Variants in SLC2A13 observed in about 807,000 individuals in gnomAD.
SLC2A13 encodes proton myo-inositol cotransporter.
A neutral mutation model predicts 64.4 loss-of-function variants in SLC2A13; 32 were observed. The ratio of observed to expected loss-of-function variants is 0.50; its 90% CI spans 0.37 to 0.67. The LOEUF (loss-of-function observed/expected upper bound fraction) is 0.67. SLC2A13 is among the 30% of genes least tolerant of loss of function. The probability of loss-of-function intolerance (pLI) is 0.00; values close to 1 mark genes in which losing one functional copy is unlikely to be tolerated. For synonymous variants in SLC2A13, 338 were observed against 327.1 expected (o/e 1.03, Z -0.36); for missense variants, 743 against 829.2 (o/e 0.90, Z 1.28).
At chr12:39,988,014 CT>C (rs1470538339) in intron 3 of SLC2A13, among the ~76,000 whole-genome samples, 4 of 152,124 alleles carry the variant, frequency 2.6e-5, no homozygotes, top group Non-Finnish European at 5.9e-5. Flanking sequence ...TTGGTCTGAA[CT>C]TAGTAAATCC....
Position 39,755,171 on chromosome 12 carries a change from A to G in SLC2A13, c.*4855T>C, listed in dbSNP as rs1262909409. 6.6e-6 allele frequency: 1 copy of G among 152,096 alleles called. No homozygotes were observed. Among genetic ancestry groups the G allele is most frequent in the African/African-American group, 2.4e-5 (1 of 41,452 alleles). The allele number at this position is 152,096 out of a possible 1,614,324, so 9.4% of individuals were successfully genotyped here. On this transcript the variant is annotated 3_prime_UTR_variant, in exon 10 of 10. Transcript: ENST00000280871. ...AAAACATTTACATGTATATCACTAAATCTCCATAAAATATACAATACTTTT... is the reference window on the plus strand; with the variant it reads ...AAAACATTTACATGTATATCACTAAGTCTCCATAAAATATACAATACTTTT...
chr12:39,997,339 G>A (rs1367060344), intron 3 of SLC2A13, among the ~76,000 whole-genome samples: 1 of 152,166 alleles, frequency 6.6e-6, no homozygotes, highest in Non-Finnish European at 1.5e-5. Context: ...CCATGTGTAA[G>A]AGAATGAAAC....
At chr12:39,915,637 C>T (rs569568821) in intron 4 of SLC2A13, among the ~76,000 whole-genome samples, 3 of 151,792 alleles carry the variant, frequency 2.0e-5, no homozygotes, top group Non-Finnish European at 4.4e-5. Flanking sequence ...TTAAAAATAG[C>T]CAGTGATGAC....
At chr12:39,938,389 A>G (rs1479651291) in intron 4 of SLC2A13, among the ~76,000 whole-genome samples, 1 of 141,982 alleles carries the variant, frequency 7.0e-6, no homozygotes, top group African/African-American at 2.5e-5. Context: ...AAATAACTCC[A>G]TTTAAAGAAA....
intron 1 of SLC2A13, among the ~76,000 whole-genome samples, chr12:40,061,208 G>T (rs1490089385): frequency 1.3e-5 from 2 of 151,978 alleles, no homozygotes; most frequent in Non-Finnish European, 2.9e-5. Context: ...AGCTGGGAAA[G>T]AAAAGGCAAC....
chr12:39,823,082 G>A (rs1942570160), intron 7 of SLC2A13, among the ~76,000 whole-genome samples: 1 of 152,110 alleles, frequency 6.6e-6, no homozygotes. Context: ...AATTATTTAT[G>A]GGTAGATGAA....
intron 3 of SLC2A13, among the ~76,000 whole-genome samples, chr12:40,006,876 T>G (rs181966093): frequency 6.6e-6 from 1 of 152,338 alleles, no homozygotes; most frequent in African/African-American, 2.4e-5. Context: ...ATCATATTTT[T>G]AATTCCTTCA....
chr12:39,905,317 T>C (rs1945240786), intron 4 of SLC2A13, among the ~76,000 whole-genome samples: 1 of 152,122 alleles, frequency 6.6e-6, no homozygotes, highest in Non-Finnish European at 1.5e-5. Context: ...CCAGATGTAA[T>C]CTGCTCATAA....
At chr12:39,960,282 G>A (rs955076940) in intron 3 of SLC2A13, among the ~76,000 whole-genome samples, 7 of 152,002 alleles carry the variant, frequency 4.6e-5, no homozygotes, top group Non-Finnish European at 8.8e-5. Flanking sequence ...ACCAATTTTG[G>A]TGAACTCTAT....
At chr12:40,010,947 A>C (rs557744865) in intron 3 of SLC2A13, among the ~76,000 whole-genome samples, 43 of 152,266 alleles carry the variant, frequency 2.8e-4, no homozygotes, top group Admixed American at 7.2e-4. Flanking sequence ...TGGTTTGGTA[A>C]GTGTGAGATG....
At chr12:40,053,334 AATTTATT>A (rs1157509794) in intron 1 of SLC2A13, among the ~76,000 whole-genome samples, 1 of 151,848 alleles carries the variant, frequency 6.6e-6, no homozygotes, top group Admixed American at 6.6e-5. Flanking sequence ...GAACTGATAT[AATTTATT>A]ATCCCCCTAT....
intron 4 of SLC2A13, among the ~76,000 whole-genome samples, chr12:39,872,397 A>G (rs1339374219): frequency 6.6e-6 from 1 of 152,234 alleles, no homozygotes; most frequent in Non-Finnish European, 1.5e-5. Flanking sequence ...AATGTAATAT[A>G]GTGGTAAAAA....
intron 4 of SLC2A13, among the ~76,000 whole-genome samples, chr12:39,905,148 T>C (rs1945233692): frequency 6.6e-6 from 1 of 152,144 alleles, no homozygotes; most frequent in Non-Finnish European, 1.5e-5. Context: ...AACTTGCTGG[T>C]CCTACTGTGA....
At chr12:39,879,235 C>A (rs1944278406) in intron 4 of SLC2A13, among the ~76,000 whole-genome samples, 1 of 152,240 alleles carries the variant, frequency 6.6e-6, no homozygotes, top group African/African-American at 2.4e-5. Context: ...AGAACCCCTA[C>A]TAGGGAAGTA....
At chr12:40,024,181 C>A (rs1016873041) in intron 3 of SLC2A13, among the ~76,000 whole-genome samples, 9 of 152,262 alleles carry the variant, frequency 5.9e-5, no homozygotes, top group African/African-American at 2.2e-4. Context: ...GGAAAACAAA[C>A]CAGACATACC....
At chr12:39,942,443 T>A (rs1375715539) in intron 4 of SLC2A13, among the ~76,000 whole-genome samples, 1 of 152,210 alleles carries the variant, frequency 6.6e-6, no homozygotes, top group African/African-American at 2.4e-5. Context: ...GTTAGGTATA[T>A]TTCTAAGTAT....
chr12:39,986,651 T>C (rs1371343245), intron 3 of SLC2A13, among the ~76,000 whole-genome samples: 1 of 151,840 alleles, frequency 6.6e-6, no homozygotes, highest in Non-Finnish European at 1.5e-5. Context: ...TTAACCTGTA[T>C]TTAAGCAGAC....
rs1185424998 is a variant in SLC2A13, at chr12:39,763,599, A to T, written c.1720+861T>A. Among the ~76,000 whole-genome samples the T allele has an allele frequency of 2.6e-5, 4 of 152,068 alleles. No homozygotes were observed. The East Asian group carries it at 7.8e-4, about 30-fold the overall frequency. On this transcript the variant is annotated intron_variant, in intron 9 of 9. Transcript: ENST00000280871. ...CCTGTTCTTGCAAAGAGAAATGATA[A>T]GTGGCCAGAGCACAGAGTAAAGAGA...
chr12:39,868,931 A>C (rs1943974644), intron 5 of SLC2A13, among the ~76,000 whole-genome samples: 1 of 152,196 alleles, frequency 6.6e-6, no homozygotes, highest in South Asian at 2.1e-4. Flanking sequence ...AAAAGAATGA[A>C]TATCTAACAA....
Sources: gnomAD v4.1 joint callset for allele counts (sites outside exome capture counted in the v4.1 genomes callset) on GRCh38, gnomAD v4.1.1 for gene constraint, MANE v1.5 for transcripts, NCBI Gene and HGNC (gene_info 2026-07-23, HGNC 2026-07-21) for gene names.